HERC2: variants seen among roughly 807,000 people sequenced by gnomAD.
HERC2 encodes the protein HECT and RLD domain containing E3 ubiquitin protein ligase 2.
Under a neutral mutation model 537.7 loss-of-function variants are expected in HERC2, and 102 were observed. That is an observed-to-expected ratio of 0.19 (90% confidence interval 0.16 to 0.22). The LOEUF is 0.22. Among genes scored for constraint, HERC2 ranks in the 10% least tolerant of loss-of-function variants. The pLI is 1.00. For synonymous variants in HERC2, 2,224 were observed against 2,466.2 expected, an observed-to-expected ratio of 0.90 and a Z score of 2.91; for missense variants, 4,236 against 6,198.2, an observed-to-expected ratio of 0.68 and a Z score of 10.63.
intron 35 of HERC2, among the ~76,000 whole-genome samples, chr15:28,224,394 G>A (rs961282028): frequency 2.2e-4 from 34 of 152,006 alleles, no homozygotes; most frequent in Admixed American, 2.0e-4. Flanking sequence ...GCTAGTTTTC[G>A]TATTTTTTGT....
At chr15:28,227,468 GA>G (rs1220198016) in intron 35 of HERC2, among the ~76,000 whole-genome samples, 7,750 of 107,104 alleles carry the variant, frequency 0.072, 505 homozygotes, top group African/African-American at 0.21. Context: ...AAAAAAAAAA[GA>G]AAAAAAAAAA....
chr15:28,173,980 C>CCA (rs1398718962), intron 65 of HERC2, among the ~76,000 whole-genome samples: 2 of 151,846 alleles, frequency 1.3e-5, no homozygotes, highest in Admixed American at 1.3e-4. Flanking sequence ...TTTGATTGTG[C>CCA]TGATGCTTTC....
At chr15:28,240,274 C>T (rs547431547) in intron 23 of HERC2, among the ~76,000 whole-genome samples, 8 of 152,108 alleles carry the variant, frequency 5.3e-5, no homozygotes, top group South Asian at 2.1e-4. Flanking sequence ...AAAAATTAGC[C>T]GGGCGTGGTG....
chr15:28,245,796 A>T, intron 23 of HERC2, 85 bp downstream of exon 23: 1 of 1,193,914 alleles, frequency 8.4e-7, no homozygotes. Context: ...TCCTTTGTAA[A>T]GTATTCTTTC....
At chr15:28,266,147 A>G (rs993687416) in intron 12 of HERC2, among the ~76,000 whole-genome samples, 173 bp from the exon 13 acceptor site, 1 of 152,142 alleles carries the variant, frequency 6.6e-6, no homozygotes, top group African/African-American at 2.4e-5. Flanking sequence ...TAACACCTCC[A>G]TGACTTTTTG....
At position 28,263,180 on chromosome 15, in the gene HERC2, C is replaced by G; in HGVS notation, c.1871-11G>C. ...AAGACCACACTTGCCCTAAAAAATA[C>G]AAATGCATTTAAATAACAACAACTC... is the stretch of plus-strand genomic sequence containing the variant. On this transcript the variant is annotated splice_polypyrimidine_tract_variant and intron_variant, in intron 14 of 92. Transcript: ENST00000261609. 6.3e-7 allele frequency: 1 copy of G among 1,595,470 alleles called. No individual in the cohort carries two copies. Among genetic ancestry groups the G allele is most frequent in the Non-Finnish European group, 8.6e-7 (1 of 1,168,228 alleles).
chr15:28,267,197 G>A (rs1320048147), intron 12 of HERC2, among the ~76,000 whole-genome samples: 4 of 152,070 alleles, frequency 2.6e-5, no homozygotes, highest in Non-Finnish European at 2.9e-5. Flanking sequence ...ACACACAGTG[G>A]CACAGGTGCT....
intron 17 of HERC2, 55 bp downstream of exon 17, chr15:28,257,006 T>A: frequency 6.8e-7 from 1 of 1,472,594 alleles, no homozygotes; most frequent in Non-Finnish European, 9.4e-7. Flanking sequence ...TAAACCTTCT[T>A]ACAAATCCCT....
At chr15:28,242,034 T>C (rs1262724049) in intron 23 of HERC2, among the ~76,000 whole-genome samples, 3 of 152,204 alleles carry the variant, frequency 2.0e-5, no homozygotes, top group African/African-American at 4.8e-5. Context: ...TGGATGAACC[T>C]TGAAGACATG....
At chr15:28,220,138 C>T (rs751555124) in intron 37 of HERC2, among the ~76,000 whole-genome samples, 11 of 152,168 alleles carry the variant, frequency 7.2e-5, no homozygotes, top group East Asian at 1.9e-4. Flanking sequence ...ACAGGCTCAG[C>T]GCCAACCACA....
chr15:28,258,433 T>C (rs1281761003), intron 16 of HERC2, among the ~76,000 whole-genome samples: 3 of 152,002 alleles, frequency 2.0e-5, no homozygotes, highest in Admixed American at 6.6e-5. Context: ...GATCATGTCA[T>C]TGCACTCCGG....
At chr15:28,260,716 G>A in intron 16 of HERC2, 61 bp downstream of exon 16, 16 of 1,379,710 alleles carry the variant, frequency 1.2e-5, no homozygotes, top group Non-Finnish European at 1.6e-5. Flanking sequence ...CTACATACTG[G>A]TAATGAACAA....
intron 2 of HERC2, among the ~76,000 whole-genome samples, chr15:28,316,553 T>A (rs1016118286): frequency 6.6e-6 from 1 of 152,234 alleles, no homozygotes; most frequent in Non-Finnish European, 1.5e-5. Context: ...TACATCTTTT[T>A]TATCATGGAA....
In HERC2 at chr15:28,189,177, T is replaced by C. The variant is rs147133601; in HGVS notation, c.8649+1788A>G. ...GTGGCTCCACAGGAATGGTACAGTC[T>C]AGTTCTTTGGTCAGCTGGGGGCATG... is the stretch of plus-strand genomic sequence containing the variant. On this transcript the variant is annotated intron_variant, in intron 55 of 92. Transcript: ENST00000261609. Among the ~76,000 whole-genome samples, 85 of 152,356 alleles carry C rather than the reference T, an allele frequency of 5.6e-4. No individual in the cohort carries two copies. The East Asian group carries it at 9.4e-3, about 17-fold the overall frequency.
At chr15:28,158,656 A>T (rs1893263911) in intron 69 of HERC2, among the ~76,000 whole-genome samples, 1 of 152,116 alleles carries the variant, frequency 6.6e-6, no homozygotes, top group Admixed American at 6.5e-5. Context: ...GGTTTCCTGA[A>T]TACAGCACAC....
intron 2 of HERC2, among the ~76,000 whole-genome samples, chr15:28,299,778 G>A (rs890045487): frequency 1.3e-5 from 2 of 152,090 alleles, no homozygotes; most frequent in African/African-American, 4.8e-5. Context: ...GTGGTCGGGC[G>A]AGGTGGCTCA....
At chr15:28,279,544 T>G (rs1345318663) in intron 5 of HERC2, among the ~76,000 whole-genome samples, 1 of 151,920 alleles carries the variant, frequency 6.6e-6, no homozygotes, top group African/African-American at 2.4e-5. Flanking sequence ...CAGTGTCTCA[T>G]GCCTGTAATC....
rs112800122 is a variant in HERC2, at chr15:28,214,339, C to T, written c.6359-67G>A. The T allele has an allele frequency of 7.3e-5, 98 of 1,350,090 alleles. 2 individuals are homozygous for T. The African/African-American group carries it at 9.9e-4, about 14-fold the overall frequency. The allele number at this position is 1,350,090 out of a possible 1,614,324, so 83.6% of individuals were successfully genotyped here. On this transcript the variant is annotated intron_variant, in intron 40 of 92. Coordinates refer to ENST00000261609, the MANE Select transcript of HERC2 (RefSeq NM_004667.6). ...ACCAGGGCACAGGGAAAGGAGACGG[C>T]TACCCACCTCTAAGTGACGGCACTG...
At chr15:28,245,594 CACACACACACAGAT>C (rs1903610618) in intron 23 of HERC2, among the ~76,000 whole-genome samples, 1 of 134,946 alleles carries the variant, frequency 7.4e-6, no homozygotes, top group Non-Finnish European at 1.6e-5. Context: ...CACACACACA[CACACACACACAGAT>C]ATATATATAC....
Sources: allele counts gnomAD v4.1 joint callset (sites outside exome capture counted in the v4.1 genomes callset), GRCh38; gene constraint gnomAD v4.1.1; transcripts MANE v1.5; gene names NCBI Gene and HGNC (gene_info 2026-07-23, HGNC 2026-07-21).